The following TRAPPC10 variants were observed in gnomAD, a reference collection of about 807,000 sequenced individuals.
The protein encoded by TRAPPC10 is trafficking protein particle complex subunit 10, also known as TRAPP 130 kDa subunit.
TRAPPC10 carries 23 observed loss-of-function variants against 125.5 expected under a neutral mutation model. That is an observed-to-expected ratio of 0.18 (90% CI 0.13 to 0.26). The LOEUF (loss-of-function observed/expected upper bound fraction) is 0.26, where lower values mean the gene tolerates loss of function less well. Ranked by LOEUF, TRAPPC10 falls within the 10% of genes least tolerant of loss-of-function variation. The pLI is 1.00. For missense variants in TRAPPC10, 1,123 were observed against 1,308.4 expected (o/e 0.86, Z 2.19); for synonymous variants, 509 against 518.0 (o/e 0.98, Z 0.24).
chr21:44,024,957 C>A (rs1326174553), intron 1 of TRAPPC10, among the ~76,000 whole-genome samples: 2 of 152,222 alleles, frequency 1.3e-5, no homozygotes, highest in Non-Finnish European at 2.9e-5. Context: ...ACTGTCCCAC[C>A]TCACTTTCCC....
intron 15 of TRAPPC10, 126 bp from the exon 16 acceptor site, chr21:44,086,676 A>G: frequency 9.7e-7 from 1 of 1,030,808 alleles, no homozygotes; most frequent in Non-Finnish European, 1.4e-6. Flanking sequence ...GAAGGAATTC[A>G]TGGAGATCCC....
At chr21:44,069,211 G>T (rs989782498) in intron 7 of TRAPPC10, among the ~76,000 whole-genome samples, 4 of 152,166 alleles carry the variant, frequency 2.6e-5, no homozygotes, top group African/African-American at 9.7e-5. Flanking sequence ...TCTCTTCACT[G>T]AAAGGTACTC....
chr21:44,012,508 G>A lies in TRAPPC10; in HGVS notation c.15G>A (p.Glu5=), dbSNP rs2031218265. 1 of 1,517,848 alleles carries A rather than the reference G, an allele frequency of 6.6e-7. No homozygotes were observed. The highest frequency in any genetic ancestry group is 1.5e-5 in the African/African-American group (1 of 67,814). The allele number at this position is 1,517,848 out of a possible 1,614,324, so 94.0% of individuals were successfully genotyped here. MDAS[E]EPLPPVIYTM... Reference sequence around the variant, plus strand: ...GCCGGACGCCCATGGACGCCTCTGAGGAGCCGCTGCCGCCGGTGATCTACA... The same window carrying A: ...GCCGGACGCCCATGGACGCCTCTGAAGAGCCGCTGCCGCCGGTGATCTACA... Residue 5 remains glutamate (E), a synonymous_variant, in exon 1 of 23, where the codon GAG becomes GAA. Coordinates refer to ENST00000291574, the MANE Select transcript of TRAPPC10 (RefSeq NM_003274.5).
rs2035287206 is a variant in TRAPPC10 at position 44,052,385 on chromosome 21, G to T, written c.391G>T (p.Asp131Tyr). 6.2e-7 allele frequency: 1 copy of T among 1,613,840 alleles called. No individual in the cohort carries two copies. The highest frequency in any genetic ancestry group is 8.5e-7 in the Non-Finnish European group (1 of 1,180,000). Residue 131 changes from aspartate (D) to tyrosine (Y), a missense_variant, in exon 4 of 23, where the codon GAT (aspartate) becomes TAT (tyrosine). By Grantham distance (160) the Asp-to-Tyr change is radical. Around this residue, in one of 4 missense-constraint regions of TRAPPC10, gnomAD observed 177 missense variants for 228.9 expected, o/e 0.77. Transcript: ENST00000291574. ...CTGGTTAATAGTGATAGTTGAAAATGATGCCAAGAAAAAAAACAAAACCAA... is the reference window on the plus strand; with the variant it reads ...CTGGTTAATAGTGATAGTTGAAAATTATGCCAAGAAAAAAAACAAAACCAA... ...VDWLIVIVENDAKKKNKTNIL... is the reference protein window; with the variant it reads ...VDWLIVIVENYAKKKNKTNIL...
chr21:44,070,833 G>C (rs1475134958), intron 7 of TRAPPC10, among the ~76,000 whole-genome samples: 1 of 152,234 alleles, frequency 6.6e-6, no homozygotes, highest in African/African-American at 2.4e-5. Context: ...GGTGGGAGAA[G>C]AGTGCTGGCA....
chr21:44,091,189 C>T (rs866364131), intron 18 of TRAPPC10, among the ~76,000 whole-genome samples: 21 of 152,120 alleles, frequency 1.4e-4, no homozygotes, highest in African/African-American at 4.3e-4. Context: ...AAGACTCTGT[C>T]TCAAAAAATA....
chr21:44,012,754 G>A (rs1055535997), intron 1 of TRAPPC10, among the ~76,000 whole-genome samples, 194 bp downstream of exon 1: 2 of 152,046 alleles, frequency 1.3e-5, no homozygotes, highest in African/African-American at 4.8e-5. Context: ...TTCCCGCCGG[G>A]CGACCTCTGA....
chr21:44,045,824 G>A (rs1451218402), intron 3 of TRAPPC10, among the ~76,000 whole-genome samples: 1 of 151,884 alleles, frequency 6.6e-6, no homozygotes, highest in Admixed American at 6.6e-5. Flanking sequence ...CCAAAGTGCT[G>A]GGATTACAGG....
chr21:44,039,147 A>G (rs950520185), intron 3 of TRAPPC10, among the ~76,000 whole-genome samples: 1 of 152,200 alleles, frequency 6.6e-6, no homozygotes, highest in Non-Finnish European at 1.5e-5. Context: ...CTGGGGAGCC[A>G]CTGTGAGGCG....
At chr21:44,046,659 C>T in intron 3 of TRAPPC10, 2 of 242,038 alleles carry the variant, frequency 8.3e-6, no homozygotes, top group Non-Finnish European at 1.6e-5. Context: ...TTATAGGCAG[C>T]CACCACGCCC....
chr21:44,045,603 G>A (rs886229256), intron 3 of TRAPPC10, among the ~76,000 whole-genome samples: 3 of 151,726 alleles, frequency 2.0e-5, no homozygotes, highest in African/African-American at 7.3e-5. Context: ...CCAGGCTGGA[G>A]TGCAGTGGAG....
rs749100098 is a variant in TRAPPC10, at chr21:44,082,835, C to T, written c.1771C>T (p.Leu591Phe). 6.2e-7 allele frequency: 1 copy of T among 1,614,058 alleles called. No homozygotes were observed. The highest frequency in any genetic ancestry group is 2.2e-5 in the East Asian group (1 of 44,876). The change falls in exon 14 of 23, where the codon CTC becomes TTC. Residue 591 changes from leucine (L) to phenylalanine (F), a missense_variant. By Grantham distance (22) the Leu-to-Phe change is conservative. This residue lies in a region of TRAPPC10 where 840 missense variants were observed against 902.0 expected (regional missense o/e 0.93). Coordinates refer to ENST00000291574, the MANE Select transcript of TRAPPC10 (RefSeq NM_003274.5). The surrounding 1 kb of genome is among the most constrained non-coding windows in gnomAD (Gnocchi z 4.4). ...PMHSFAQLRD[L>F]HFDPSNAVVH... ...GCATTCCTTTGCACAACTGCGAGATCTCCATTTTGATCCCTCCAATGCCGT... is the reference window on the plus strand; with the variant it reads ...GCATTCCTTTGCACAACTGCGAGATTTCCATTTTGATCCCTCCAATGCCGT...
intron 2 of TRAPPC10, among the ~76,000 whole-genome samples, chr21:44,037,206 T>C (rs1431126579): frequency 6.6e-6 from 1 of 152,234 alleles, no homozygotes; most frequent in Non-Finnish European, 1.5e-5. Context: ...AGGCCGTCAC[T>C]GAGAGCCTTG....
rs2037807872 is a variant in TRAPPC10 at position 44,082,249 on chromosome 21, T to G, written c.1724-539T>G. On this transcript the variant is annotated intron_variant, in intron 13 of 22. Coordinates refer to ENST00000291574, the MANE Select transcript of TRAPPC10 (RefSeq NM_003274.5). This position sits in a 1 kb window ranked among gnomAD's most constrained non-coding sequence, Gnocchi z 4.4. Reference sequence around the variant, plus strand: ...AGAGAGAAGGGCCCAGAGAGAGCATTAGGCTCTCATTCCAGCAGCAACTGT... The same window carrying G: ...AGAGAGAAGGGCCCAGAGAGAGCATGAGGCTCTCATTCCAGCAGCAACTGT... Among the ~76,000 whole-genome samples the G allele has an allele frequency of 6.6e-6, 1 of 152,204 alleles. No homozygotes were observed. Among genetic ancestry groups the G allele is most frequent in the Admixed American group, 6.5e-5 (1 of 15,284 alleles).
At position 44,052,303 on chromosome 21, in the gene TRAPPC10, A is replaced by C. The variant is rs746111144; in HGVS notation, c.309A>C (p.Thr103=). 1.0e-5 allele frequency: 16 copies of C among 1,601,620 alleles called. No homozygotes were observed. The South Asian group carries it at 1.7e-4, about 17-fold the overall frequency. ...ECCDTEVYKA[T]VKDDLTKWQN... ...AGGATACCGAAGTGTATAAAGCTAC[A>C]GTAAAAGATGACCTCACCAAGTGGC... is the stretch of plus-strand genomic sequence containing the variant. The change falls in exon 4 of 23, where the codon ACA becomes ACC. Residue 103 remains threonine (T), a synonymous_variant. Transcript: ENST00000291574.
At chr21:44,029,851 A>G (rs986494757) in intron 1 of TRAPPC10, among the ~76,000 whole-genome samples, 2 of 152,234 alleles carry the variant, frequency 1.3e-5, no homozygotes, top group Non-Finnish European at 2.9e-5. Context: ...CCTTATCTGC[A>G]TATGGTTATA....
intron 6 of TRAPPC10, among the ~76,000 whole-genome samples, chr21:44,061,968 A>G (rs1325912472): frequency 1.3e-5 from 2 of 152,204 alleles, no homozygotes; most frequent in East Asian, 1.9e-4. Flanking sequence ...CATATACACA[A>G]CATTGAGTAA....
In TRAPPC10 at chr21:44,045,708, T is replaced by C. The variant is rs374155175; in HGVS notation, c.286-6572T>C. Among the ~76,000 whole-genome samples the C allele has an allele frequency of 5.1e-3, 768 of 152,022 alleles. 9 individuals carry two copies. Among genetic ancestry groups the C allele is most frequent in the African/African-American group, 0.018 (735 of 41,482 alleles). ...CTGGGATTATAGGTGCCCGCCACCA[T>C]GCCCAGCTAATTTTTTTTGTATTTT... On this transcript the variant is annotated intron_variant, in intron 3 of 22. Transcript: ENST00000291574.
intron 6 of TRAPPC10, among the ~76,000 whole-genome samples, chr21:44,060,728 G>A (rs1292562758): frequency 1.0e-4 from 15 of 150,732 alleles, no homozygotes; most frequent in African/African-American, 3.7e-4. Flanking sequence ...AGCCTCCTGA[G>A]TAGCTGGGAT....
Sources: allele counts gnomAD v4.1 joint callset (sites outside exome capture counted in the v4.1 genomes callset), GRCh38; gene constraint gnomAD v4.1.1; regional missense constraint gnomAD v4.1.1; non-coding constraint Gnocchi (gnomAD v3.1); transcripts MANE v1.5; gene names NCBI Gene and HGNC (gene_info 2026-07-23, HGNC 2026-07-21).